Variants in CNTN3 observed in about 807,000 individuals in gnomAD.
CNTN3 encodes contactin 3.
In CNTN3, 60 loss-of-function variants were observed where a neutral mutation model predicts 119.1. The observed-to-expected ratio is 0.50, with a 90% CI of 0.41 to 0.62. The LOEUF is 0.62. Ranked by LOEUF, CNTN3 falls within the 20% of genes least tolerant of loss-of-function variation. The pLI, the probability that CNTN3 is intolerant of heterozygous loss-of-function variation, is 0.00. For synonymous variants in CNTN3, 450 were observed against 438.7 expected, an observed-to-expected ratio of 1.03 and a Z score of -0.32; for missense variants, 1,101 against 1,242.4, an observed-to-expected ratio of 0.89 and a Z score of 1.71.
intron 5 of CNTN3, among the ~76,000 whole-genome samples, chr3:74,408,865 T>C (rs1169327115): frequency 6.6e-6 from 1 of 152,138 alleles, no homozygotes; most frequent in Non-Finnish European, 1.5e-5. Flanking sequence ...CAACTGGAGG[T>C]TGTTTCCCCA....
At chr3:74,401,516 G>GCGCA (rs1553655556) in intron 5 of CNTN3, among the ~76,000 whole-genome samples, 4 of 150,508 alleles carry the variant, frequency 2.7e-5, no homozygotes, top group African/African-American at 7.3e-5. Flanking sequence ...ACGCGCGCAC[G>GCGCA]CACACACACA....
intron 4 of CNTN3, among the ~76,000 whole-genome samples, chr3:74,447,976 T>C (rs566662068): frequency 2.0e-5 from 3 of 152,300 alleles, no homozygotes; most frequent in Admixed American, 1.3e-4. Flanking sequence ...GGATGATCCA[T>C]GTAGACCGTT....
chr3:74,520,306 G>T (rs1703522016), intron 2 of CNTN3, among the ~76,000 whole-genome samples: 1 of 151,072 alleles, frequency 6.6e-6, no homozygotes. Flanking sequence ...TGGTACAATA[G>T]CTACATCTCA....
chr3:74,289,582 A>T, intron 19 of CNTN3, among the ~76,000 whole-genome samples: 1 of 152,140 alleles, frequency 6.6e-6, no homozygotes. Flanking sequence ...CTCATCCCAA[A>T]GCCCAATATT....
At chr3:74,507,653 A>G (rs1703289127) in intron 2 of CNTN3, among the ~76,000 whole-genome samples, 1 of 136,960 alleles carries the variant, frequency 7.3e-6, no homozygotes, top group Non-Finnish European at 1.5e-5. Context: ...TTTTTTTAAG[A>G]AAGAGTCTTG....
chr3:74,347,156 A>T (rs1424223963), intron 11 of CNTN3, among the ~76,000 whole-genome samples: 1 of 152,158 alleles, frequency 6.6e-6, no homozygotes, highest in East Asian at 1.9e-4. Context: ...ATAAAATGTG[A>T]TCATTAGGTA....
intron 3 of CNTN3, among the ~76,000 whole-genome samples, chr3:74,490,523 T>A (rs1188441864): frequency 3.3e-5 from 5 of 152,174 alleles, no homozygotes; most frequent in Non-Finnish European, 7.3e-5. Flanking sequence ...TAAAAAAATA[T>A]GGAGAAGCAC....
chr3:74,270,986 A>G (rs1575688521), intron 20 of CNTN3, among the ~76,000 whole-genome samples: 1 of 152,220 alleles, frequency 6.6e-6, no homozygotes, highest in East Asian at 1.9e-4. Context: ...AGTGTTACAT[A>G]AAGAAATAAC....
intron 5 of CNTN3, among the ~76,000 whole-genome samples, chr3:74,419,583 G>T (rs1204200271): frequency 1.3e-5 from 2 of 152,152 alleles, no homozygotes; most frequent in Non-Finnish European, 2.9e-5. Flanking sequence ...GGGCTATGTT[G>T]TTATAATATG....
intron 4 of CNTN3, among the ~76,000 whole-genome samples, chr3:74,433,264 G>A (rs547950646): frequency 1.3e-5 from 2 of 152,220 alleles, no homozygotes; most frequent in East Asian, 3.9e-4. Context: ...CTCCATCAGA[G>A]CTTCTACTAT....
At chr3:74,371,972 A>G (rs60989386) in intron 5 of CNTN3, among the ~76,000 whole-genome samples, 7,245 of 151,978 alleles carry the variant, frequency 0.048, 596 homozygotes, top group African/African-American at 0.16. Context: ...AACACCAACC[A>G]CATTCTTTGA....
At chr3:74,589,140 A>T (rs1210177963) in intron 1 of CNTN3, among the ~76,000 whole-genome samples, 1 of 151,962 alleles carries the variant, frequency 6.6e-6, no homozygotes, top group East Asian at 1.9e-4. Flanking sequence ...TCTGCACAGC[A>T]AAAGAAACTA....
intron 5 of CNTN3, among the ~76,000 whole-genome samples, chr3:74,387,939 A>T (rs1704794833): frequency 6.6e-6 from 1 of 152,250 alleles, no homozygotes; most frequent in South Asian, 2.1e-4. Context: ...CATCTATAAA[A>T]TGGGACCTGG....
intron 1 of CNTN3, among the ~76,000 whole-genome samples, chr3:74,576,041 T>C (rs1169951189): frequency 1.3e-5 from 2 of 152,072 alleles, no homozygotes; most frequent in Admixed American, 1.3e-4. Context: ...CTGTGGAGTG[T>C]TGGGCCCTAG....
In CNTN3 at chr3:74,316,628, A is replaced by G. The variant is rs567295903; in HGVS notation, c.1669-13821T>C. On this transcript the variant is annotated intron_variant, in intron 13 of 22. Coordinates refer to ENST00000263665, the MANE Select transcript of CNTN3 (RefSeq NM_020872.3). ...AGACTGGGTAAAGAAAATGTGGTAC[A>G]TATATACCATGAAATACTCTGCAAC... is the stretch of plus-strand genomic sequence containing the variant. Among the ~76,000 whole-genome samples the G allele has an allele frequency of 2.0e-5, 3 of 152,316 alleles. No homozygotes were observed. The East Asian group carries it at 5.8e-4, about 29-fold the overall frequency.
intron 1 of CNTN3, among the ~76,000 whole-genome samples, chr3:74,535,390 C>T (rs937638776): frequency 2.6e-5 from 4 of 152,082 alleles, no homozygotes; most frequent in African/African-American, 4.8e-5. Context: ...GGGAGAAGTA[C>T]TCCCAAACTC....
chr3:74,449,608 T>G (rs978298798), intron 4 of CNTN3, among the ~76,000 whole-genome samples: 5 of 152,092 alleles, frequency 3.3e-5, no homozygotes, highest in Non-Finnish European at 7.4e-5. Flanking sequence ...ACCAGTGATC[T>G]GAGGACCACA....
chr3:74,486,735 G>A, intron 3 of CNTN3, 104 bp from the exon 4 acceptor site: 2 of 912,532 alleles, frequency 2.2e-6, no homozygotes, highest in Non-Finnish European at 3.2e-6. Flanking sequence ...AAAGTAAAAA[G>A]TGATACATAT....
At chr3:74,481,472 T>G (rs1406763537) in intron 4 of CNTN3, among the ~76,000 whole-genome samples, 1 of 151,812 alleles carries the variant, frequency 6.6e-6, no homozygotes, top group Non-Finnish European at 1.5e-5. Flanking sequence ...TCCACATGTT[T>G]GGAAATTTAA....
Sources: allele counts gnomAD v4.1 joint callset (sites outside exome capture counted in the v4.1 genomes callset), GRCh38; gene constraint gnomAD v4.1.1; transcripts MANE v1.5; gene names NCBI Gene and HGNC (gene_info 2026-07-23, HGNC 2026-07-21).